Variants in SLC44A5 observed in about 807,000 individuals in gnomAD.
SLC44A5 encodes solute carrier family 44 member 5.
SLC44A5 carries 57 observed loss-of-function variants against 101.8 expected under a neutral mutation model. The ratio of observed to expected loss-of-function variants is 0.56; its 90% CI spans 0.45 to 0.70. SLC44A5 has a LOEUF of 0.70. Among genes scored for constraint, SLC44A5 ranks in the 30% least tolerant of loss-of-function variants. The probability of loss-of-function intolerance (pLI) is 0.00; values close to 1 mark genes in which losing one functional copy is unlikely to be tolerated. For missense variants in SLC44A5, 737 were observed against 853.1 expected, an observed-to-expected ratio of 0.86 and a Z score of 1.70; for synonymous variants, 281 against 290.9, an observed-to-expected ratio of 0.97 and a Z score of 0.35.
upstream of SLC44A5, chr1:75,611,197 TC>T: frequency 1.6e-6 from 1 of 616,836 alleles, no homozygotes; most frequent in Non-Finnish European, 2.0e-6. Context: ...ATCCCTGAGG[TC>T]CTACTAGCCT....
At chr1:75,540,235 G>A (rs1321627116) in intron 2 of SLC44A5, among the ~76,000 whole-genome samples, 3 of 152,148 alleles carry the variant, frequency 2.0e-5, no homozygotes, top group Non-Finnish European at 2.9e-5. Context: ...ACCTCAGTCT[G>A]TAAGATAATT....
intron 2 of SLC44A5, among the ~76,000 whole-genome samples, chr1:75,432,064 C>T (rs973459798): frequency 5.1e-4 from 78 of 152,166 alleles, no homozygotes; most frequent in African/African-American, 1.9e-3. Flanking sequence ...CCTTGTGACT[C>T]CTCCCCCTTC....
the SLC44A5 span, among the ~76,000 whole-genome samples, chr1:75,646,222 C>A: frequency 3.3e-5 from 4 of 120,266 alleles, no homozygotes; most frequent in African/African-American, 1.0e-4. Context: ...TTACCTTGGG[C>A]AGTATGGCCA....
intron 1 of SLC44A5, among the ~76,000 whole-genome samples, chr1:75,564,124 C>G (rs1278681331): frequency 2.6e-5 from 4 of 152,148 alleles, no homozygotes; most frequent in Non-Finnish European, 5.9e-5. Flanking sequence ...TACACACTGG[C>G]TCCTTGTCAC....
chr1:75,643,952 A>G, the SLC44A5 span, among the ~76,000 whole-genome samples: 1 of 152,252 alleles, frequency 6.6e-6, no homozygotes, highest in East Asian at 1.9e-4. Flanking sequence ...GCGTGTTCAC[A>G]GAACATTAAC....
intron 1 of SLC44A5, among the ~76,000 whole-genome samples, chr1:75,580,925 T>A (rs570696913): frequency 1.3e-5 from 2 of 152,008 alleles, no homozygotes; most frequent in East Asian, 1.9e-4. Flanking sequence ...AATATTTTTT[T>A]AAAAAATCAA....
At chr1:75,452,529 G>A (rs1391364469) in intron 2 of SLC44A5, among the ~76,000 whole-genome samples, 1 of 152,028 alleles carries the variant, frequency 6.6e-6, no homozygotes, top group Admixed American at 6.5e-5. Context: ...CTTCATAATA[G>A]GATCAAAACC....
At chr1:75,503,469 TG>T (rs936100042) in intron 2 of SLC44A5, among the ~76,000 whole-genome samples, 2 of 152,148 alleles carry the variant, frequency 1.3e-5, no homozygotes, top group African/African-American at 4.8e-5. Flanking sequence ...AAGACATGCT[TG>T]CTTCCTCTTC....
chr1:75,644,194 T>A, the SLC44A5 span, among the ~76,000 whole-genome samples: 2 of 152,002 alleles, frequency 1.3e-5, no homozygotes, highest in East Asian at 1.9e-4. Context: ...ACTAAGATAG[T>A]AAAAAAAATT....
rs185431670 is a variant in SLC44A5, at chr1:75,416,585, T to C, written c.14-19964A>G. On this transcript the variant is annotated intron_variant, in intron 2 of 23. Transcript: ENST00000370859. ...CACCATCCTCCAGACCCCAGAATGA[T>C]AGGTCCACCAACAGCTTGCACTGTG... is the stretch of plus-strand genomic sequence containing the variant. 2.2e-4 allele frequency among the ~76,000 whole-genome samples: 33 copies of C among 152,252 alleles called. No homozygotes were observed. In the East Asian group the frequency reaches 5.6e-3, roughly 26 times the overall value.
intron 5 of SLC44A5, among the ~76,000 whole-genome samples, chr1:75,289,143 G>T (rs1394654507): frequency 2.0e-5 from 3 of 151,148 alleles, no homozygotes; most frequent in African/African-American, 7.4e-5. Context: ...TACATTTTCT[G>T]CTATTAAAAG....
chr1:75,580,224 C>A (rs938512636), intron 1 of SLC44A5, among the ~76,000 whole-genome samples: 1 of 151,832 alleles, frequency 6.6e-6, no homozygotes. Flanking sequence ...ATATTAGTTA[C>A]AAATAAACAA....
chr1:75,496,905 G>T (rs1668706634), intron 2 of SLC44A5, among the ~76,000 whole-genome samples: 1 of 151,882 alleles, frequency 6.6e-6, no homozygotes, highest in Admixed American at 6.6e-5. Flanking sequence ...TAATCATCAG[G>T]GAAATGCACA....
At chr1:75,255,932 A>G (rs1649983779) in intron 6 of SLC44A5, among the ~76,000 whole-genome samples, 1 of 152,116 alleles carries the variant, frequency 6.6e-6, no homozygotes, top group South Asian at 2.1e-4. Context: ...AAGAGAAAAG[A>G]AAAGATGAAG....
chr1:75,281,201 C>T lies in SLC44A5; in HGVS notation c.176-6159G>A, dbSNP rs371748692. 4.6e-5 allele frequency among the ~76,000 whole-genome samples: 7 copies of T among 152,124 alleles called. No homozygotes were observed. In the South Asian group the frequency reaches 1.5e-3, roughly 32 times the overall value. On this transcript the variant is annotated intron_variant, in intron 5 of 23. Transcript: ENST00000370859. ...CTGATAGTGATATGGACAATGAAGT[C>T]CAGGCTGAGATGATCTCAGATGGAG... is the stretch of plus-strand genomic sequence containing the variant.
At chr1:75,355,402 C>T (rs936428451) in intron 3 of SLC44A5, among the ~76,000 whole-genome samples, 9 of 152,104 alleles carry the variant, frequency 5.9e-5, no homozygotes, top group African/African-American at 2.2e-4. Context: ...GTCTCAGTTT[C>T]TGTTAAAGGA....
the SLC44A5 span, among the ~76,000 whole-genome samples, chr1:75,716,789 T>C: frequency 4.0e-5 from 6 of 151,840 alleles, no homozygotes; most frequent in South Asian, 2.1e-4. Flanking sequence ...CCTAGCACTT[T>C]AGGAGGCTGA....
chr1:75,694,443 T>A, the SLC44A5 span, among the ~76,000 whole-genome samples: 1 of 152,142 alleles, frequency 6.6e-6, no homozygotes, highest in Non-Finnish European at 1.5e-5. Flanking sequence ...GAATCTGTTT[T>A]CTTCCTAGCA....
At chr1:75,471,225 C>T (rs2101730591) in intron 2 of SLC44A5, among the ~76,000 whole-genome samples, 1 of 152,110 alleles carries the variant, frequency 6.6e-6, no homozygotes, top group African/African-American at 2.4e-5. Context: ...AGTCTAAGGG[C>T]ACCTTTCTCA....
Sources: gnomAD v4.1 joint callset for allele counts (sites outside exome capture counted in the v4.1 genomes callset) on GRCh38, gnomAD v4.1.1 for gene constraint, MANE v1.5 for transcripts, NCBI Gene and HGNC (gene_info 2026-07-23, HGNC 2026-07-21) for gene names.